Variants in NALF1 observed in about 807,000 individuals in gnomAD.
NALF1 encodes the protein NALCN channel auxiliary factor 1.
Under a neutral mutation model 48.4 loss-of-function variants are expected in NALF1, and 3 were observed. The observed-to-expected ratio is 0.06, with a 90% CI of 0.03 to 0.16. NALF1 has a LOEUF of 0.16. NALF1 is among the 10% of genes least tolerant of loss of function. NALF1 has a pLI of 1.00. For missense variants in NALF1, 526 were observed against 571.5 expected (o/e 0.92, Z 0.81); for synonymous variants, 262 against 245.7 (o/e 1.07, Z -0.62).
At chr13:107,422,979 C>T (rs1388435887) in intron 1 of NALF1, among the ~76,000 whole-genome samples, 3 of 151,964 alleles carry the variant, frequency 2.0e-5, no homozygotes, top group Non-Finnish European at 4.4e-5. Flanking sequence ...GCAATCCTGC[C>T]GACACCTACA....
chr13:107,637,410 T>A (rs1197792130), intron 1 of NALF1, among the ~76,000 whole-genome samples: 1 of 152,158 alleles, frequency 6.6e-6, no homozygotes, highest in Non-Finnish European at 1.5e-5. Flanking sequence ...TCTACTACTA[T>A]TTCAAGGTAC....
At chr13:107,856,746 T>C (rs1880448991) in intron 1 of NALF1, among the ~76,000 whole-genome samples, 2 of 152,180 alleles carry the variant, frequency 1.3e-5, no homozygotes, top group Non-Finnish European at 2.9e-5. Flanking sequence ...CCTCATCTTA[T>C]GCCAAAGGAT....
rs372094093 is a variant in NALF1 at position 107,690,196 on chromosome 13, C to T, written c.915+175486G>A. Among the ~76,000 whole-genome samples the T allele has an allele frequency of 5.3e-5, 8 of 152,148 alleles. No individual in the cohort carries two copies. In the East Asian group the frequency reaches 1.5e-3, roughly 29 times the overall value. On this transcript the variant is annotated intron_variant, in intron 1 of 2. Coordinates refer to ENST00000375915, the MANE Select transcript of NALF1 (RefSeq NM_001080396.3). Reference sequence around the variant, plus strand: ...AAGAAACTGCACTGAGACTGTTATCCAGTTCTGCTGTGCTCCTAACTCCAT... The same window carrying T: ...AAGAAACTGCACTGAGACTGTTATCTAGTTCTGCTGTGCTCCTAACTCCAT...
At chr13:107,702,526 G>A (rs1881847110) in intron 1 of NALF1, among the ~76,000 whole-genome samples, 1 of 151,930 alleles carries the variant, frequency 6.6e-6, no homozygotes, top group African/African-American at 2.4e-5. Context: ...GTAGTTTTAT[G>A]GTGTTTTGTT....
At chr13:107,720,329 G>A (rs1395630327) in intron 1 of NALF1, among the ~76,000 whole-genome samples, 2 of 152,010 alleles carry the variant, frequency 1.3e-5, no homozygotes, top group East Asian at 3.9e-4. Flanking sequence ...GACCAATATG[G>A]TGAAACACGT....
chr13:107,450,799 G>T (rs1467525148), intron 1 of NALF1, among the ~76,000 whole-genome samples: 2 of 152,160 alleles, frequency 1.3e-5, no homozygotes, highest in African/African-American at 4.8e-5. Context: ...CAGATAATTT[G>T]CAAGAAGACG....
chr13:107,599,696 G>A (rs1262650734), intron 1 of NALF1, among the ~76,000 whole-genome samples: 4 of 152,042 alleles, frequency 2.6e-5, no homozygotes, highest in Admixed American at 6.5e-5. Flanking sequence ...TCTTGTTTCT[G>A]TTTTGCCTAT....
At chr13:107,640,907 C>T (rs1434207377) in intron 1 of NALF1, among the ~76,000 whole-genome samples, 4 of 152,104 alleles carry the variant, frequency 2.6e-5, no homozygotes, top group Non-Finnish European at 5.9e-5. Context: ...TTTAAAAAGT[C>T]GGCATCCAGC....
At chr13:107,770,099 G>T (rs2138569220) in intron 1 of NALF1, among the ~76,000 whole-genome samples, 1 of 152,164 alleles carries the variant, frequency 6.6e-6, no homozygotes, top group Non-Finnish European at 1.5e-5. Context: ...TTTTTTAGTA[G>T]AGACGGGGTT....
chr13:107,468,223 CTTTAA>C (rs1885040826), intron 1 of NALF1, among the ~76,000 whole-genome samples: 2 of 152,108 alleles, frequency 1.3e-5, no homozygotes, highest in African/African-American at 4.8e-5. Flanking sequence ...GCGGTTATTG[CTTTAA>C]TTTAATTCAA....
chr13:107,655,164 G>A (rs1259008147), intron 1 of NALF1, among the ~76,000 whole-genome samples: 1 of 151,980 alleles, frequency 6.6e-6, no homozygotes, highest in Non-Finnish European at 1.5e-5. Flanking sequence ...TCAGACAAGA[G>A]ATAAAAATAA....
At chr13:107,814,796 T>C (rs1420473851) in intron 1 of NALF1, among the ~76,000 whole-genome samples, 7 of 152,040 alleles carry the variant, frequency 4.6e-5, no homozygotes, top group South Asian at 2.1e-4. Context: ...AACAGGGAAA[T>C]GGGGGACCTG....
At chr13:107,640,028 A>G (rs141943931) in intron 1 of NALF1, among the ~76,000 whole-genome samples, 89 of 152,292 alleles carry the variant, frequency 5.8e-4, no homozygotes, top group African/African-American at 2.0e-3. Context: ...GATAAGGGCA[A>G]ATCTTATATT....
At chr13:107,536,670 GT>G (rs1286124824) in intron 1 of NALF1, among the ~76,000 whole-genome samples, 2 of 152,176 alleles carry the variant, frequency 1.3e-5, no homozygotes, top group Non-Finnish European at 1.5e-5. Flanking sequence ...AGTCAGTGTG[GT>G]GATTCCTCAG....
intron 1 of NALF1, among the ~76,000 whole-genome samples, chr13:107,577,565 G>C (rs75715109): frequency 2.6e-5 from 4 of 152,150 alleles, no homozygotes; most frequent in African/African-American, 9.7e-5. Flanking sequence ...TTTGAAAAGC[G>C]ATCTACATAT....
chr13:107,685,307 C>T (rs532486550), intron 1 of NALF1, among the ~76,000 whole-genome samples: 5 of 151,820 alleles, frequency 3.3e-5, no homozygotes, highest in Admixed American at 6.6e-5. Context: ...GGCGAGACAC[C>T]GTCTCAGGAA....
chr13:107,412,244 C>A (rs1253907368), intron 1 of NALF1, among the ~76,000 whole-genome samples: 2 of 152,084 alleles, frequency 1.3e-5, no homozygotes, highest in African/African-American at 4.8e-5. Flanking sequence ...TTACTTATAC[C>A]AAGCACCAGT....
intron 1 of NALF1, among the ~76,000 whole-genome samples, chr13:107,829,792 C>T (rs1879654841): frequency 6.6e-6 from 1 of 152,128 alleles, no homozygotes; most frequent in Admixed American, 6.6e-5. Flanking sequence ...TTTACAATTA[C>T]TTATTCACAG....
intron 1 of NALF1, among the ~76,000 whole-genome samples, chr13:107,847,026 C>T (rs1210540039): frequency 6.6e-6 from 1 of 151,902 alleles, no homozygotes; most frequent in Non-Finnish European, 1.5e-5. Context: ...TCTATAATGA[C>T]AGCAAATTTC....
Sources: gnomAD v4.1 joint callset for allele counts (sites outside exome capture counted in the v4.1 genomes callset) on GRCh38, gnomAD v4.1.1 for gene constraint, MANE v1.5 for transcripts, NCBI Gene and HGNC (gene_info 2026-07-23, HGNC 2026-07-21) for gene names.